The following CHIC2 variants were observed in gnomAD, a reference collection of about 807,000 sequenced individuals.
CHIC2 encodes the protein cysteine rich hydrophobic domain 2.
CHIC2 carries 14 observed loss-of-function variants against 25.9 expected under a neutral mutation model. The ratio of observed to expected loss-of-function variants is 0.54; its 90% CI spans 0.36 to 0.85. The LOEUF is 0.85. CHIC2 is among the 40% of genes least tolerant of loss of function. The pLI is 0.01. For synonymous variants in CHIC2, 70 were observed against 72.0 expected (o/e 0.97, Z 0.14); for missense variants, 146 against 202.0 (o/e 0.72, Z 1.68).
At chr4:54,027,869 T>A (rs1320995336) in intron 3 of CHIC2, among the ~76,000 whole-genome samples, 1 of 152,212 alleles carries the variant, frequency 6.6e-6, no homozygotes, top group Non-Finnish European at 1.5e-5. Flanking sequence ...AGTAGGAACC[T>A]AATAAATAAC....
upstream of CHIC2, among the ~76,000 whole-genome samples, chr4:54,067,928 C>CT (rs944167373): frequency 6.6e-6 from 1 of 150,964 alleles, no homozygotes; most frequent in Admixed American, 6.6e-5. Flanking sequence ...GTCCCCCCCC[C>CT]CAAATTCATA....
chr4:54,020,471 A>C (rs974789550), intron 3 of CHIC2, among the ~76,000 whole-genome samples: 5 of 152,018 alleles, frequency 3.3e-5, no homozygotes, highest in South Asian at 2.1e-4. Context: ...TGCTCACACA[A>C]AGTTTGTTTG....
intron 3 of CHIC2, among the ~76,000 whole-genome samples, chr4:54,048,444 C>T (rs1276243427): frequency 6.6e-6 from 1 of 152,110 alleles, no homozygotes; most frequent in Non-Finnish European, 1.5e-5. Context: ...ACCATTGTAA[C>T]CATTTTATTT....
intron 3 of CHIC2, among the ~76,000 whole-genome samples, chr4:54,016,773 A>T (rs1398187146): frequency 6.6e-6 from 1 of 152,018 alleles, no homozygotes; most frequent in Non-Finnish European, 1.5e-5. Flanking sequence ...ACCAGAAAGG[A>T]ACCCTTGATT....
chr4:54,011,552 T>C (rs1035080128), intron 5 of CHIC2, among the ~76,000 whole-genome samples: 1 of 152,146 alleles, frequency 6.6e-6, no homozygotes, highest in Non-Finnish European at 1.5e-5. Context: ...CAACATTAAA[T>C]AAATAATTTT....
intron 1 of CHIC2, chr4:54,059,484 T>C (rs962508241): frequency 2.0e-5 from 3 of 151,612 alleles, no homozygotes; most frequent in Non-Finnish European, 2.9e-5. Context: ...AAGGCCACAG[T>C]AGGCTGTGAT....
chr4:54,061,945 C>A (rs1717347075), intron 1 of CHIC2, among the ~76,000 whole-genome samples: 1 of 152,098 alleles, frequency 6.6e-6, no homozygotes, highest in Non-Finnish European at 1.5e-5. Flanking sequence ...CTTTGTTTTA[C>A]ACCTGTTTCT....
At chr4:54,091,454 C>T in the CHIC2 span, among the ~76,000 whole-genome samples, 10 of 152,318 alleles carry the variant, frequency 6.6e-5, no homozygotes, top group African/African-American at 2.2e-4. Flanking sequence ...TCACCCTGTG[C>T]ACATCCCCAG....
intron 3 of CHIC2, among the ~76,000 whole-genome samples, chr4:54,043,139 C>T (rs11729329): frequency 0.038 from 5,789 of 152,016 alleles, 159 homozygotes; most frequent in Non-Finnish European, 0.055. Flanking sequence ...AACCCTGTCT[C>T]GGCCAGGCGC....
intron 3 of CHIC2, among the ~76,000 whole-genome samples, chr4:54,022,986 G>A (rs1270688964): frequency 6.6e-6 from 1 of 152,078 alleles, no homozygotes; most frequent in African/African-American, 2.4e-5. Context: ...ACCCTGTGGT[G>A]CCAAACCCAT....
At chr4:54,060,906 C>T (rs1717314516) in intron 1 of CHIC2, 1 of 152,104 alleles carries the variant, frequency 6.6e-6, no homozygotes, top group Admixed American at 6.6e-5. Context: ...TACCTAAATA[C>T]TATGCAATAA....
At chr4:54,065,294 G>T (rs567230937), upstream of CHIC2, 1 of 982,102 alleles carries the variant, frequency 1.0e-6, no homozygotes, top group Admixed American at 6.2e-5. Flanking sequence ...AAAAAAAACT[G>T]ATAAATTACC....
the CHIC2 span, among the ~76,000 whole-genome samples, chr4:54,086,076 G>C: frequency 1.3e-5 from 2 of 151,998 alleles, no homozygotes; most frequent in East Asian, 3.9e-4. Flanking sequence ...CATCCACCTA[G>C]AACACTGACA....
the CHIC2 span, among the ~76,000 whole-genome samples, chr4:54,078,825 T>A: frequency 1.3e-5 from 2 of 152,118 alleles, no homozygotes; most frequent in East Asian, 3.9e-4. Context: ...TCTCTTATGA[T>A]TTGTTAACTA....
At chr4:54,046,015 C>CA (rs1716773478) in intron 3 of CHIC2, among the ~76,000 whole-genome samples, 2 of 151,868 alleles carry the variant, frequency 1.3e-5, no homozygotes, top group African/African-American at 4.8e-5. Context: ...AACAGACAAA[C>CA]AGAGAGCCAA....
chr4:54,024,361 A>C (rs1469904601), intron 3 of CHIC2, among the ~76,000 whole-genome samples: 1 of 152,118 alleles, frequency 6.6e-6, no homozygotes, highest in Non-Finnish European at 1.5e-5. Flanking sequence ...TGCTGACAGA[A>C]CACACTCCAA....
At chr4:54,027,909 T>C in intron 3 of CHIC2, among the ~76,000 whole-genome samples, 1 of 152,336 alleles carries the variant, frequency 6.6e-6, no homozygotes, top group South Asian at 2.1e-4. Context: ...GATTTTCATT[T>C]GTTTTTATAA....
chr4:54,075,750 C>T, the CHIC2 span, among the ~76,000 whole-genome samples: 1 of 152,084 alleles, frequency 6.6e-6, no homozygotes, highest in African/African-American at 2.4e-5. Context: ...GATGAGGTTT[C>T]ACCATTTTGG....
At chr4:54,015,177 A>G (rs1715701092) in intron 3 of CHIC2, among the ~76,000 whole-genome samples, 2 of 152,178 alleles carry the variant, frequency 1.3e-5, no homozygotes, top group Admixed American at 1.3e-4. Context: ...CACCAAAGTC[A>G]CATAGATGCC....
Sources: allele counts gnomAD v4.1 joint callset (sites outside exome capture counted in the v4.1 genomes callset), GRCh38; gene constraint gnomAD v4.1.1; transcripts MANE v1.5; gene names NCBI Gene and HGNC (gene_info 2026-07-23, HGNC 2026-07-21).